The following ARRDC5 variants were observed in gnomAD, a reference collection of about 807,000 sequenced individuals.
ARRDC5 encodes arrestin domain containing 5.
A neutral mutation model predicts 13.3 loss-of-function variants in ARRDC5; 12 were observed. That is an observed-to-expected ratio of 0.90 (90% CI 0.58 to 1.46). The LOEUF (loss-of-function observed/expected upper bound fraction) is 1.46, where lower values mean the gene tolerates loss of function less well. Ranked by LOEUF, ARRDC5 falls within the 40% of genes most tolerant of loss-of-function variation. ARRDC5 has a pLI of 0.00. For synonymous variants in ARRDC5, 181 were observed against 173.4 expected (o/e 1.04, Z -0.34); for missense variants, 406 against 418.7 (o/e 0.97, Z 0.26).
Position 4,896,672 on chromosome 19 carries a change from T to C in ARRDC5, c.458A>G (p.Gln153Arg), listed in dbSNP as rs953955584. Residue 153 changes from glutamine (Q) to arginine (R), a missense_variant and splice_region_variant, in exon 2 of 3, where the codon CAG becomes CGG. Physicochemically the swap from Gln to Arg is conservative, Grantham distance 43 (BLOSUM62 1). Coordinates refer to ENST00000650722, the MANE Select transcript of ARRDC5 (RefSeq NM_001080523.3). ...CCTCCACCTTTCCCCCATCGGTACC[T>C]GGAATGGGGTTTCTTTGTGGAAGGT... ...TSTFHKETPF[Q>R]NPLFVEAEEK... 1.2e-6 allele frequency: 2 copies of C among 1,606,858 alleles called. No individual in the cohort carries two copies. The highest frequency in any genetic ancestry group is 3.3e-5 in the Admixed American group (2 of 59,904).
chr19:4,902,848 C>T lies in ARRDC5; in HGVS notation c.-23G>A. ...CATGGGGGGTTGGGGGGTAGAGAGA[C>T]ATTCCTCTCTGTCCCCCATGTCCCT... On this transcript the variant is annotated 5_prime_UTR_variant, in exon 1 of 3. An upstream start codon of the reference 5' UTR is lost. Transcript: ENST00000650722. 6.2e-7 allele frequency: 1 copy of T among 1,613,776 alleles called. No individual in the cohort carries two copies. Among genetic ancestry groups the T allele is most frequent in the East Asian group, 2.2e-5 (1 of 44,874 alleles).
chr19:4,897,005 G>A (rs1393889757), intron 1 of ARRDC5, 129 bp from the exon 2 acceptor site: 1 of 638,262 alleles, frequency 1.6e-6, no homozygotes, highest in Non-Finnish European at 2.6e-6. Flanking sequence ...CACCCAGTCT[G>A]GAGTATAGTG....
At chr19:4,893,039 G>A (rs2031564122) in intron 2 of ARRDC5, among the ~76,000 whole-genome samples, 1 of 149,204 alleles carries the variant, frequency 6.7e-6, no homozygotes, top group Non-Finnish European at 1.5e-5. Flanking sequence ...GGAGGTGGAG[G>A]TTGAAGTTAG....
chr19:4,904,872 A>G (rs548659575), upstream of ARRDC5, among the ~76,000 whole-genome samples: 36 of 152,314 alleles, frequency 2.4e-4, 1 homozygote, highest in Admixed American at 1.8e-3. Flanking sequence ...CCTGATTTGC[A>G]CATGGTCTGG....
intron 2 of ARRDC5, among the ~76,000 whole-genome samples, chr19:4,896,405 C>CATATAT (rs1555740989): frequency 0.022 from 2,337 of 106,096 alleles, 57 homozygotes; most frequent in Middle Eastern, 0.043. Flanking sequence ...CACACACACA[C>CATATAT]ATATATATAA....
chr19:4,906,080 G>C (rs2032058935), upstream of ARRDC5, among the ~76,000 whole-genome samples: 1 of 152,162 alleles, frequency 6.6e-6, no homozygotes, highest in South Asian at 2.1e-4. Context: ...GGGCTCAAGA[G>C]GTCCTCCTGC....
chr19:4,915,737 CCAAAA>C, the ARRDC5 span, among the ~76,000 whole-genome samples: 1 of 151,844 alleles, frequency 6.6e-6, no homozygotes, highest in Non-Finnish European at 1.5e-5. Context: ...AAAAACAAAA[CCAAAA>C]CAAAAGAGGT....
In ARRDC5 at chr19:4,891,200, C is replaced by T. The variant is rs939194068; in HGVS notation, c.833G>A (p.Arg278His). The T allele has an allele frequency of 6.8e-6, 11 of 1,613,788 alleles. No homozygotes were observed. In the East Asian group the frequency reaches 1.3e-4, roughly 20 times the overall value. Reference sequence around the variant, plus strand: ...GTGCACGGTGGTGACCAGCTCGTAGCGAGTGTGCATGATCTCACCGTCCTG... The same window carrying T: ...GTGCACGGTGGTGACCAGCTCGTAGTGAGTGTGCATGATCTCACCGTCCTG... ...STQDGEIMHTRYELVTTVHLP... is the reference protein window; with the variant it reads ...STQDGEIMHTHYELVTTVHLP... Residue 278 changes from arginine (R) to histidine (H), a missense_variant, in exon 3 of 3, where the codon CGC (arginine) becomes CAC (histidine). By Grantham distance (29) the Arg-to-His change is conservative. Transcript: ENST00000650722.
intron 1 of ARRDC5, among the ~76,000 whole-genome samples, chr19:4,901,017 C>CAA (rs779901716): frequency 2.3e-4 from 30 of 129,536 alleles, no homozygotes; most frequent in Admixed American, 9.4e-4. Context: ...GATTCAGTCT[C>CAA]AAAAAAAAAA....
upstream of ARRDC5, among the ~76,000 whole-genome samples, chr19:4,905,139 CAG>C (rs1294243869): frequency 9.2e-6 from 1 of 108,268 alleles, no homozygotes; most frequent in Non-Finnish European, 1.7e-5. Context: ...TTTTTTGAGA[CAG>C]AGTCTTGCTC....
At chr19:4,893,962 G>A (rs2031607402) in intron 2 of ARRDC5, among the ~76,000 whole-genome samples, 1 of 150,568 alleles carries the variant, frequency 6.6e-6, no homozygotes, top group South Asian at 2.1e-4. Flanking sequence ...GCAGGAGAAT[G>A]GCGTGAACCC....
upstream of ARRDC5, among the ~76,000 whole-genome samples, chr19:4,904,136 C>T (rs2032010909): frequency 1.3e-5 from 2 of 151,872 alleles, no homozygotes; most frequent in South Asian, 4.2e-4. Flanking sequence ...GGGTTACAGG[C>T]ACCTGCCCCC....
At chr19:4,909,528 G>C in the ARRDC5 span, 1 of 659,016 alleles carries the variant, frequency 1.5e-6, no homozygotes, top group South Asian at 1.6e-5. Context: ...GGCGGGCAGC[G>C]TTTGCCGAGC....
chr19:4,911,045 C>G, the ARRDC5 span: 1 of 1,575,362 alleles, frequency 6.3e-7, no homozygotes, highest in Non-Finnish European at 8.6e-7. Flanking sequence ...ACAGGTACAC[C>G]CGCCGCCAGC....
intron 2 of ARRDC5, among the ~76,000 whole-genome samples, chr19:4,895,580 G>A (rs1229864533): frequency 5.9e-5 from 9 of 152,046 alleles, no homozygotes; most frequent in South Asian, 2.1e-4. Flanking sequence ...CTCGACTTCC[G>A]CCTCTGCACC....
intron 2 of ARRDC5, among the ~76,000 whole-genome samples, chr19:4,896,361 TACACACACACACACACACAC>T (rs71170877): frequency 2.4e-5 from 2 of 84,988 alleles, no homozygotes; most frequent in Non-Finnish European, 4.1e-5. Context: ...TTTTTTTTTT[TACACACACACACACACACAC>T]ACACACACAC....
the ARRDC5 span, chr19:4,909,365 G>C: frequency 4.9e-5 from 30 of 611,930 alleles, no homozygotes; most frequent in East Asian, 9.0e-4. Flanking sequence ...GCCGTGGACA[G>C]AGGCGGGGGC....
chr19:4,906,579 C>G (rs1248660572), upstream of ARRDC5, among the ~76,000 whole-genome samples: 2 of 152,044 alleles, frequency 1.3e-5, no homozygotes, highest in Non-Finnish European at 2.9e-5. Context: ...TGTGGTGAAA[C>G]CCCATCTCTA....
chr19:4,913,678 C>T, the ARRDC5 span, among the ~76,000 whole-genome samples: 1 of 152,166 alleles, frequency 6.6e-6, no homozygotes, highest in Non-Finnish European at 1.5e-5. Flanking sequence ...GTTTCTGAGA[C>T]TGGGCTCTCA....
Sources: allele counts gnomAD v4.1 joint callset (sites outside exome capture counted in the v4.1 genomes callset), GRCh38; gene constraint gnomAD v4.1.1; transcripts MANE v1.5; gene names NCBI Gene and HGNC (gene_info 2026-07-23, HGNC 2026-07-21).